Variants in ARHGAP31 observed in about 807,000 individuals in gnomAD.
ARHGAP31 encodes the protein rho GTPase-activating protein 31.
Under a neutral mutation model 113.9 loss-of-function variants are expected in ARHGAP31, and 34 were observed. That is an observed-to-expected ratio of 0.30 (90% CI 0.23 to 0.40). The LOEUF is 0.40. Ranked by LOEUF, ARHGAP31 falls within the 10% of genes least tolerant of loss-of-function variation. The probability of loss-of-function intolerance (pLI) is 1.00; values close to 1 mark genes in which losing one functional copy is unlikely to be tolerated. For synonymous variants in ARHGAP31, 650 were observed against 684.8 expected (o/e 0.95, Z 0.79); for missense variants, 1,548 against 1,767.1 (o/e 0.88, Z 2.22).
intron 8 of ARHGAP31, among the ~76,000 whole-genome samples, chr3:119,395,830 T>C (rs1273982669): frequency 2.0e-5 from 3 of 152,124 alleles, no homozygotes; most frequent in African/African-American, 7.2e-5. Flanking sequence ...AATCATCGTA[T>C]GGCAAAACTC....
At chr3:119,327,459 C>T (rs1457488048) in intron 1 of ARHGAP31, among the ~76,000 whole-genome samples, 1 of 151,618 alleles carries the variant, frequency 6.6e-6, no homozygotes, top group Admixed American at 6.6e-5. Context: ...GCTGGAGAAT[C>T]GCTTGAACCC....
Position 119,416,336 on chromosome 3 carries a change from T to C in ARHGAP31, c.*72T>C. 1 of 1,598,976 alleles carries C rather than the reference T, an allele frequency of 6.3e-7. No homozygotes were observed. Among genetic ancestry groups the C allele is most frequent in the Non-Finnish European group, 8.5e-7 (1 of 1,177,448 alleles). On this transcript the variant is annotated 3_prime_UTR_variant, in exon 12 of 12. Transcript: ENST00000264245. ...AAGTTATTACAGGGCCAGCTTGCCA[T>C]ATTCCAGGCACACGTTATCAAGTTT...
intron 1 of ARHGAP31, among the ~76,000 whole-genome samples, chr3:119,352,853 GCCC>G (rs1559976722): frequency 6.6e-6 from 1 of 152,128 alleles, no homozygotes; most frequent in Non-Finnish European, 1.5e-5. Flanking sequence ...CAGTAAAAAT[GCCC>G]CCAAGTTCCC....
intron 1 of ARHGAP31, among the ~76,000 whole-genome samples, chr3:119,356,985 G>C (rs1453512863): frequency 6.6e-6 from 1 of 152,202 alleles, no homozygotes; most frequent in Non-Finnish European, 1.5e-5. Context: ...CCCTCCAGAG[G>C]TTGTATCAAT....
At chr3:119,407,562 ACT>A (rs1232384909) in intron 10 of ARHGAP31, among the ~76,000 whole-genome samples, 3 of 152,222 alleles carry the variant, frequency 2.0e-5, no homozygotes, top group Non-Finnish European at 4.4e-5. Flanking sequence ...GCAAAAATAA[ACT>A]CTGGCAGAAT....
At chr3:119,407,367 GA>G (rs1553767480) in intron 10 of ARHGAP31, among the ~76,000 whole-genome samples, 6 of 130,334 alleles carry the variant, frequency 4.6e-5, no homozygotes, top group Admixed American at 7.8e-5. Flanking sequence ...AAGAAAGAAA[GA>G]AAAAAAAAAT....
In ARHGAP31 at chr3:119,304,705, T is replaced by C. The variant is rs113850729; in HGVS notation, c.100+9701T>C. Among the ~76,000 whole-genome samples the C allele has an allele frequency of 3.1e-3, 474 of 152,150 alleles. 3 individuals are homozygous for C. Among genetic ancestry groups the C allele is most frequent in the African/African-American group, 0.011 (459 of 41,522 alleles). On this transcript the variant is annotated intron_variant, in intron 1 of 11. Coordinates refer to ENST00000264245, the MANE Select transcript of ARHGAP31 (RefSeq NM_020754.4). ...ATTTGGCTTATCTTGGCTTTGTCTA[T>C]CCCCTGCCCAAGCACAGAAGAATGG...
chr3:119,324,732 C>G (rs2079826773), intron 1 of ARHGAP31, among the ~76,000 whole-genome samples: 1 of 152,194 alleles, frequency 6.6e-6, no homozygotes, highest in Non-Finnish European at 1.5e-5. Flanking sequence ...AGGAGTCTTT[C>G]TCTACTCTCA....
intron 1 of ARHGAP31, among the ~76,000 whole-genome samples, chr3:119,317,469 G>A (rs1242315835): frequency 1.3e-5 from 2 of 152,242 alleles, no homozygotes; most frequent in South Asian, 2.1e-4. Flanking sequence ...GAGTCACTGC[G>A]CCTGGCCACA....
chr3:119,378,031 G>T (rs1292883513), intron 3 of ARHGAP31, among the ~76,000 whole-genome samples: 1 of 152,074 alleles, frequency 6.6e-6, no homozygotes, highest in East Asian at 1.9e-4. Context: ...GAGGACAAGA[G>T]CCCAGCCTCT....
intron 6 of ARHGAP31, among the ~76,000 whole-genome samples, chr3:119,384,783 C>G (rs1191897321): frequency 6.6e-6 from 1 of 152,196 alleles, no homozygotes; most frequent in Admixed American, 6.5e-5. Flanking sequence ...CAAACCATAA[C>G]AAACCCCATG....
chr3:119,317,811 T>C lies in ARHGAP31; in HGVS notation c.100+22807T>C, dbSNP rs965855712. Among the ~76,000 whole-genome samples the C allele has an allele frequency of 1.3e-5, 2 of 152,106 alleles. 1 individual carries two copies. Among genetic ancestry groups the C allele is most frequent in the South Asian group, 4.1e-4 (2 of 4,832 alleles). ...ACTAAGTGGAAGTACTACTGTGACA[T>C]GGGGTAAGATTATTCTCTAAGCCTC... is the stretch of plus-strand genomic sequence containing the variant. On this transcript the variant is annotated intron_variant, in intron 1 of 11. Coordinates refer to ENST00000264245, the MANE Select transcript of ARHGAP31 (RefSeq NM_020754.4).
chr3:119,413,715 C>A, intron 11 of ARHGAP31, 141 bp from the exon 12 acceptor site: 1 of 1,132,954 alleles, frequency 8.8e-7, no homozygotes, highest in Non-Finnish European at 1.3e-6. Flanking sequence ...CAAATAGCCA[C>A]AGGTATTATC....
chr3:119,324,872 G>A (rs934366217), intron 1 of ARHGAP31: 2 of 451,518 alleles, frequency 4.4e-6, no homozygotes, highest in Admixed American at 4.8e-5. Context: ...ATAAACCAAG[G>A]TCTCTTGGTC....
intron 1 of ARHGAP31, among the ~76,000 whole-genome samples, chr3:119,346,462 G>A (rs757333277): frequency 1.5e-4 from 23 of 152,192 alleles, no homozygotes; most frequent in Non-Finnish European, 2.5e-4. Flanking sequence ...GAACAAGGAA[G>A]GGTTCTCTCT....
rs941141850 is a variant in ARHGAP31 at position 119,409,748 on chromosome 3, G to T, written c.1898G>T (p.Arg633Ile). 7 of 1,606,626 alleles carry T rather than the reference G, an allele frequency of 4.4e-6. No individual in the cohort carries two copies. The highest frequency in any genetic ancestry group is 5.9e-6 in the Non-Finnish European group (7 of 1,177,198). Residue 633 changes from arginine (R) to isoleucine (I), a missense_variant, in exon 11 of 12, where the codon AGA becomes ATA. Arg to Ile is a moderately conservative substitution (Grantham distance 97). Coordinates refer to ENST00000264245, the MANE Select transcript of ARHGAP31 (RefSeq NM_020754.4). Reference protein sequence around the residue: ...SSTLQESPRARAEAVLLHEMD... With the variant: ...SSTLQESPRAIAEAVLLHEMD... ...ACCCTGCAGGAGAGCCCCAGGGCCA[G>T]AGCCGAAGCTGTGCTTCTCCATGAG...
intron 8 of ARHGAP31, among the ~76,000 whole-genome samples, chr3:119,395,614 A>G (rs1320075767): frequency 6.6e-6 from 1 of 152,084 alleles, no homozygotes; most frequent in Non-Finnish European, 1.5e-5. Context: ...CTTTTCCAGA[A>G]GGCCTCATCA....
intron 1 of ARHGAP31, among the ~76,000 whole-genome samples, chr3:119,323,092 C>A (rs2079807369): frequency 6.6e-6 from 1 of 152,226 alleles, no homozygotes; most frequent in Non-Finnish European, 1.5e-5. Flanking sequence ...CTGCTCTGCG[C>A]GCCGCAGCTT....
At position 119,416,298 on chromosome 3, in the gene ARHGAP31, G is replaced by A. The variant is rs568388712; in HGVS notation, c.*34G>A. ...CACCTGCTGGTGTCTGAAAAAAACC[G>A]TGATTCATCTGGAAGTTATTACAGG... On this transcript the variant is annotated 3_prime_UTR_variant, in exon 12 of 12. Coordinates refer to ENST00000264245, the MANE Select transcript of ARHGAP31 (RefSeq NM_020754.4). 5.6e-6 allele frequency: 9 copies of A among 1,609,806 alleles called. No homozygotes were observed. The highest frequency in any genetic ancestry group is 1.3e-5 in the African/African-American group (1 of 75,054).
Sources: allele counts gnomAD v4.1 joint callset (sites outside exome capture counted in the v4.1 genomes callset), GRCh38; gene constraint gnomAD v4.1.1; transcripts MANE v1.5; gene names NCBI Gene and HGNC (gene_info 2026-07-23, HGNC 2026-07-21).